EVA1A: variants seen among roughly 807,000 people sequenced by gnomAD.
EVA1A encodes the protein protein eva-1 homolog A.
A neutral mutation model predicts 9.8 loss-of-function variants in EVA1A; 7 were observed. That is an observed-to-expected ratio of 0.71 (90% CI 0.41 to 1.34). EVA1A has a LOEUF of 1.34. Ranked by LOEUF, EVA1A falls within the 40% of genes most tolerant of loss-of-function variation. The pLI is 0.01. For missense variants in EVA1A, 206 were observed against 205.9 expected (o/e 1.00, Z 0.00); for synonymous variants, 90 against 85.6 (o/e 1.05, Z -0.28).
upstream of EVA1A, among the ~76,000 whole-genome samples, chr2:75,562,840 C>T (rs115268690): frequency 4.6e-5 from 7 of 152,184 alleles, no homozygotes; most frequent in African/African-American, 1.4e-4. Flanking sequence ...GTTTGTGTGC[C>T]GAGTACAGGA....
At chr2:75,548,730 C>T (rs928431358) in intron 1 of EVA1A, among the ~76,000 whole-genome samples, 1 of 152,020 alleles carries the variant, frequency 6.6e-6, no homozygotes, top group Non-Finnish European at 1.5e-5. Context: ...TTACTGGACA[C>T]CCCCAACCTA....
intron 3 of EVA1A, among the ~76,000 whole-genome samples, chr2:75,504,598 G>C (rs1674544565): frequency 6.6e-6 from 1 of 152,102 alleles, no homozygotes; most frequent in Non-Finnish European, 1.5e-5. Flanking sequence ...TTCCTACCTG[G>C]CTGGCTCTGA....
At chr2:75,563,482 G>A (rs578097938), upstream of EVA1A, among the ~76,000 whole-genome samples, 8 of 152,312 alleles carry the variant, frequency 5.3e-5, no homozygotes, top group African/African-American at 1.9e-4. Flanking sequence ...GCATGCACAC[G>A]TGTGTTCATG....
At chr2:75,563,581 T>C (rs1676965456), upstream of EVA1A, among the ~76,000 whole-genome samples, 1 of 152,228 alleles carries the variant, frequency 6.6e-6, no homozygotes, top group African/African-American at 2.4e-5. Flanking sequence ...CAACACAGCA[T>C]CTTGATTGGC....
intron 1 of EVA1A, among the ~76,000 whole-genome samples, chr2:75,535,295 C>CAAAAAAAAAA (rs3081156): frequency 3.2e-5 from 3 of 92,532 alleles, no homozygotes; most frequent in African/African-American, 1.3e-4. Flanking sequence ...ATAGATATGG[C>CAAAAAAAAAA]AAAAAAAAAA....
intron 3 of EVA1A, 46 bp downstream of exon 3, chr2:75,518,010 C>G (rs777988700): frequency 1.2e-5 from 19 of 1,610,650 alleles, no homozygotes; most frequent in Admixed American, 1.7e-5. Context: ...AACCTTGGAC[C>G]CAGCCCCAGA....
chr2:75,525,103 A>G, intron 1 of EVA1A, among the ~76,000 whole-genome samples: 1 of 152,252 alleles, frequency 6.6e-6, no homozygotes, highest in Non-Finnish European at 1.5e-5. Context: ...ATATATAAAT[A>G]TACAATGTAT....
intron 1 of EVA1A, among the ~76,000 whole-genome samples, chr2:75,533,802 T>A (rs1319283875): frequency 2.0e-5 from 3 of 150,658 alleles, no homozygotes; most frequent in African/African-American, 7.3e-5. Flanking sequence ...TTATTTTATT[T>A]TATTATTTAT....
chr2:75,542,983 T>C (rs930948954), intron 1 of EVA1A, among the ~76,000 whole-genome samples: 1 of 152,116 alleles, frequency 6.6e-6, no homozygotes, highest in African/African-American at 2.4e-5. Context: ...TGCCCATCCC[T>C]GGAACCACAG....
chr2:75,529,276 A>C lies in EVA1A; in HGVS notation c.-191-6789T>G, dbSNP rs191011322. On this transcript the variant is annotated intron_variant, in intron 1 of 3. Coordinates refer to ENST00000393913, the MANE Select transcript of EVA1A (RefSeq NM_001135032.2). ...ATTACCACCTGACCTAAGAAATGAG[A>C]TAGACAGCAACACAATAATAGTGGG... Among the ~76,000 whole-genome samples the C allele has an allele frequency of 5.9e-5, 9 of 152,342 alleles. No homozygotes were observed. In the East Asian group the frequency reaches 1.7e-3, roughly 29 times the overall value.
At chr2:75,561,970 T>G (rs1347031904), upstream of EVA1A, among the ~76,000 whole-genome samples, 2 of 152,096 alleles carry the variant, frequency 1.3e-5, no homozygotes, top group African/African-American at 4.8e-5. Context: ...ACCACGTGGA[T>G]GACTAGAATC....
In EVA1A at chr2:75,492,598, C is replaced by CA. The variant is rs1214739542; in HGVS notation, c.*637dup. The CA allele has an allele frequency of 6.6e-6, 1 of 152,540 alleles. No individual in the cohort carries two copies. Among genetic ancestry groups the CA allele is most frequent in the Non-Finnish European group, 1.5e-5 (1 of 68,014 alleles). 9.4% of individuals were successfully genotyped at this position (152,540 alleles called of 1,614,324 possible). A position where few individuals can be genotyped will look rare whatever the true frequency, so the allele number is the denominator to read the frequency against. Reference sequence around the variant, plus strand: ...ACCCTTCATCCTTTGAGGTTATTGACATTTTCTAGTTCACTGACACATCTC... The same window carrying CA: ...ACCCTTCATCCTTTGAGGTTATTGACAATTTTCTAGTTCACTGACACATCTC... On this transcript the variant is annotated 3_prime_UTR_variant, in exon 4 of 4. Coordinates refer to ENST00000393913, the MANE Select transcript of EVA1A (RefSeq NM_001135032.2).
At chr2:75,543,083 A>T (rs1311108351) in intron 1 of EVA1A, among the ~76,000 whole-genome samples, 4 of 152,198 alleles carry the variant, frequency 2.6e-5, no homozygotes, top group Non-Finnish European at 5.9e-5. Flanking sequence ...CAGTCACAAC[A>T]TCCATACCAC....
intron 1 of EVA1A, among the ~76,000 whole-genome samples, chr2:75,532,058 G>A (rs939011047): frequency 6.6e-6 from 1 of 150,698 alleles, no homozygotes; most frequent in Non-Finnish European, 1.5e-5. Context: ...TACTCGGGAG[G>A]CTGAGGCAGG....
At chr2:75,526,624 C>A (rs1356207463) in intron 1 of EVA1A, among the ~76,000 whole-genome samples, 1 of 152,156 alleles carries the variant, frequency 6.6e-6, no homozygotes, top group Non-Finnish European at 1.5e-5. Flanking sequence ...TGAAACTATA[C>A]TTTGCTAGAG....
At chr2:75,519,763 C>T (rs1675170586) in intron 2 of EVA1A, among the ~76,000 whole-genome samples, 1 of 152,186 alleles carries the variant, frequency 6.6e-6, no homozygotes, top group Non-Finnish European at 1.5e-5. Flanking sequence ...AGTGAAGCTA[C>T]TGGAATATGT....
chr2:75,495,802 G>A (rs1386853195), intron 3 of EVA1A, among the ~76,000 whole-genome samples: 1 of 152,110 alleles, frequency 6.6e-6, no homozygotes, highest in African/African-American at 2.4e-5. Context: ...GTCCAAATAT[G>A]TTCCTAAAAT....
At chr2:75,526,639 G>T (rs1675449013) in intron 1 of EVA1A, among the ~76,000 whole-genome samples, 1 of 152,192 alleles carries the variant, frequency 6.6e-6, no homozygotes. Context: ...CTAGAGTAAA[G>T]AAAAGCACTG....
chr2:75,516,731 A>G (rs1336177256), intron 3 of EVA1A, among the ~76,000 whole-genome samples: 1 of 152,200 alleles, frequency 6.6e-6, no homozygotes, highest in South Asian at 2.1e-4. Context: ...GTCTTTGGAA[A>G]CTACAGACCC....
Sources: allele counts gnomAD v4.1 joint callset (sites outside exome capture counted in the v4.1 genomes callset), GRCh38; gene constraint gnomAD v4.1.1; transcripts MANE v1.5; gene names NCBI Gene and HGNC (gene_info 2026-07-23, HGNC 2026-07-21).